SUN3: variants seen among roughly 807,000 people sequenced by gnomAD.
SUN3 encodes the protein Sad1 and UNC84 domain containing 3.
In SUN3, 36 loss-of-function variants were observed where a neutral mutation model predicts 48.2. The ratio of observed to expected loss-of-function variants is 0.75; its 90% CI spans 0.57 to 0.99. The LOEUF is 0.99. Ranked by LOEUF, SUN3 falls within the 50% of genes least tolerant of loss-of-function variation. The pLI is 0.00. For missense variants in SUN3, 419 were observed against 433.1 expected (o/e 0.97, Z 0.29); for synonymous variants, 148 against 147.9 (o/e 1.00, Z 0.00).
At chr7:48,003,646 G>A (rs1430126806) in intron 6 of SUN3, among the ~76,000 whole-genome samples, 1 of 152,114 alleles carries the variant, frequency 6.6e-6, no homozygotes, top group Non-Finnish European at 1.5e-5. Context: ...TGTATTCGTA[G>A]GTATTTTATT....
intron 2 of SUN3, among the ~76,000 whole-genome samples, chr7:48,022,145 T>A (rs1200733980): frequency 1.3e-4 from 20 of 152,138 alleles, no homozygotes; most frequent in Admixed American, 1.3e-3. Flanking sequence ...GATCATTATG[T>A]TCAGTGAAAT....
chr7:48,001,590 G>C (rs549910501), intron 6 of SUN3, among the ~76,000 whole-genome samples: 16 of 139,586 alleles, frequency 1.1e-4, no homozygotes, highest in African/African-American at 4.3e-4. Flanking sequence ...CTGGAGTGCA[G>C]TGATGCAATC....
chr7:47,990,692 G>A (rs1411949162), intron 8 of SUN3, among the ~76,000 whole-genome samples: 2 of 151,928 alleles, frequency 1.3e-5, no homozygotes, highest in Non-Finnish European at 1.5e-5. Flanking sequence ...AGACAGGAGT[G>A]CTAGTTTTAT....
intron 2 of SUN3, among the ~76,000 whole-genome samples, chr7:48,024,884 C>T (rs1790093844): frequency 6.6e-6 from 1 of 152,178 alleles, no homozygotes; most frequent in South Asian, 2.1e-4. Context: ...ACCCAAATGC[C>T]TTCCATTAGG....
At chr7:48,002,383 C>G (rs1002705766) in intron 6 of SUN3, among the ~76,000 whole-genome samples, 1 of 127,818 alleles carries the variant, frequency 7.8e-6, no homozygotes, top group Admixed American at 7.1e-5. Context: ...TGGTCTCGAT[C>G]TCCTGACCTC....
intron 8 of SUN3, among the ~76,000 whole-genome samples, chr7:47,993,780 T>C (rs1018981762): frequency 6.6e-6 from 1 of 152,210 alleles, no homozygotes; most frequent in Non-Finnish European, 1.5e-5. Flanking sequence ...TAAAAGCCAC[T>C]GAAGGGTGTA....
chr7:48,007,409 T>C, intron 4 of SUN3, 82 bp from the exon 5 acceptor site: 1 of 1,288,474 alleles, frequency 7.8e-7, no homozygotes, highest in Non-Finnish European at 1.1e-6. Flanking sequence ...ACCCGCCATG[T>C]GATGAGGTGC....
chr7:48,023,061 T>C (rs185713694), intron 2 of SUN3, among the ~76,000 whole-genome samples: 200 of 152,260 alleles, frequency 1.3e-3, no homozygotes, highest in African/African-American at 4.6e-3. Context: ...CAATGCCGCA[T>C]GAAGCAATCA....
At chr7:48,007,668 T>G (rs1374811760) in intron 4 of SUN3, among the ~76,000 whole-genome samples, 1 of 152,136 alleles carries the variant, frequency 6.6e-6, no homozygotes, top group Non-Finnish European at 1.5e-5. Flanking sequence ...TGGGAACACC[T>G]TGCATTTCCG....
At chr7:48,032,062 G>T (rs148098375), upstream of SUN3, among the ~76,000 whole-genome samples, 1 of 152,206 alleles carries the variant, frequency 6.6e-6, no homozygotes, top group African/African-American at 2.4e-5. Flanking sequence ...AGTCAAATGT[G>T]TAGAAGCAAA....
intron 2 of SUN3, among the ~76,000 whole-genome samples, chr7:48,019,044 C>T (rs1186807175): frequency 6.6e-6 from 1 of 152,086 alleles, no homozygotes; most frequent in Admixed American, 6.5e-5. Flanking sequence ...AAATGAAGAA[C>T]TTACTAGAAG....
intron 1 of SUN3, among the ~76,000 whole-genome samples, chr7:48,027,236 T>C (rs960354035): frequency 6.6e-6 from 1 of 152,222 alleles, no homozygotes; most frequent in Non-Finnish European, 1.5e-5. Flanking sequence ...TGGGTATCCA[T>C]CCTAACATTG....
At chr7:47,991,666 C>T (rs1789064994) in intron 8 of SUN3, among the ~76,000 whole-genome samples, 1 of 152,018 alleles carries the variant, frequency 6.6e-6, no homozygotes, top group Admixed American at 6.5e-5. Context: ...GTGAAGATGG[C>T]CAAATGGCGC....
chr7:48,025,963 G>A, intron 1 of SUN3, 25 bp from the exon 2 acceptor site: 1 of 1,522,286 alleles, frequency 6.6e-7, no homozygotes, highest in Non-Finnish European at 9.0e-7. Context: ...ACAATGATTA[G>A]AAAAAGAATT....
At chr7:48,007,679 G>C (rs778606613) in intron 4 of SUN3, among the ~76,000 whole-genome samples, 7 of 152,168 alleles carry the variant, frequency 4.6e-5, no homozygotes, top group Non-Finnish European at 1.0e-4. Flanking sequence ...TGCATTTCCG[G>C]TGTAGTACAG....
chr7:47,989,653 A>G (rs1583737701), intron 8 of SUN3, among the ~76,000 whole-genome samples: 1 of 152,256 alleles, frequency 6.6e-6, no homozygotes, highest in East Asian at 1.9e-4. Context: ...TCATGGTTAC[A>G]TAATGTACTC....
intron 9 of SUN3, among the ~76,000 whole-genome samples, chr7:47,987,863 T>C (rs1378453903): frequency 1.3e-5 from 2 of 152,138 alleles, no homozygotes; most frequent in Non-Finnish European, 2.9e-5. Flanking sequence ...AACATAACTA[T>C]TTTCAAATAT....
At chr7:47,988,920 G>T in intron 8 of SUN3, 40 bp from the exon 9 acceptor site, 1 of 1,155,574 alleles carries the variant, frequency 8.7e-7, no homozygotes, top group Non-Finnish European at 1.3e-6. Context: ...GTAATGAATG[G>T]ATGCAGTTGT....
intron 6 of SUN3, among the ~76,000 whole-genome samples, chr7:47,999,708 T>C (rs1017972941): frequency 6.6e-6 from 1 of 152,200 alleles, no homozygotes; most frequent in Non-Finnish European, 1.5e-5. Context: ...GGCTGTTTTG[T>C]ATTTTTAGTA....
Sources: allele counts gnomAD v4.1 joint callset (sites outside exome capture counted in the v4.1 genomes callset), GRCh38; gene constraint gnomAD v4.1.1; transcripts MANE v1.5; gene names NCBI Gene and HGNC (gene_info 2026-07-23, HGNC 2026-07-21).